The following SGCD variants were observed in gnomAD, a reference collection of about 807,000 sequenced individuals.
SGCD encodes sarcoglycan delta.
In SGCD, 18 loss-of-function variants were observed where a neutral mutation model predicts 36.6. The observed-to-expected ratio is 0.49, with a 90% CI of 0.34 to 0.73. The LOEUF (loss-of-function observed/expected upper bound fraction) is 0.73. Ranked by LOEUF, SGCD falls within the 30% of genes least tolerant of loss-of-function variation. The pLI is 0.01. For missense variants in SGCD, 387 were observed against 346.7 expected, an observed-to-expected ratio of 1.12 and a Z score of -0.92; for synonymous variants, 133 against 130.6, an observed-to-expected ratio of 1.02 and a Z score of -0.12.
At chr5:155,965,119 G>T (rs1757878501) in intron 1 of SGCD, among the ~76,000 whole-genome samples, 2 of 152,080 alleles carry the variant, frequency 1.3e-5, no homozygotes, top group South Asian at 4.1e-4. Context: ...ACATCTATTA[G>T]GTGCATCTCT....
chr5:156,197,595 G>A (rs1764052267), intron 3 of SGCD, among the ~76,000 whole-genome samples: 1 of 150,570 alleles, frequency 6.6e-6, no homozygotes, highest in African/African-American at 2.4e-5. Flanking sequence ...TAACAGCCAA[G>A]CAAGAGGATG....
intron 3 of SGCD, among the ~76,000 whole-genome samples, chr5:156,268,959 G>A (rs984409929): frequency 6.6e-6 from 1 of 152,022 alleles, no homozygotes; most frequent in African/African-American, 2.4e-5. Context: ...TTGGCTGCAT[G>A]TATGTCTTCT....
the SGCD span, among the ~76,000 whole-genome samples, chr5:155,860,033 C>T: frequency 6.6e-6 from 1 of 152,224 alleles, no homozygotes; most frequent in African/African-American, 2.4e-5. Context: ...AGCCCCTCTC[C>T]TGCTGTAAAT....
intron 1 of SGCD, among the ~76,000 whole-genome samples, chr5:156,006,967 T>C (rs373996580): frequency 6.6e-6 from 1 of 152,308 alleles, no homozygotes; most frequent in African/African-American, 2.4e-5. Flanking sequence ...CTGTTTCTGC[T>C]CAATTTTTAT....
chr5:156,740,550 C>T (rs771065277), intron 7 of SGCD, among the ~76,000 whole-genome samples: 2 of 152,176 alleles, frequency 1.3e-5, no homozygotes, highest in Non-Finnish European at 2.9e-5. Flanking sequence ...ATAATGGGCC[C>T]ACACAGTGGG....
At chr5:156,573,379 C>T (rs1459000657) in intron 4 of SGCD, among the ~76,000 whole-genome samples, 1 of 152,204 alleles carries the variant, frequency 6.6e-6, no homozygotes, top group Admixed American at 6.5e-5. Context: ...TTTGAATACC[C>T]TCATTTTTGC....
At chr5:156,051,700 AC>A (rs1759920081) in intron 1 of SGCD, among the ~76,000 whole-genome samples, 2 of 146,088 alleles carry the variant, frequency 1.4e-5, no homozygotes, top group Admixed American at 6.8e-5. Flanking sequence ...AACTAAACAA[AC>A]AAATATATAA....
At chr5:156,216,199 A>G (rs922365209) in intron 3 of SGCD, among the ~76,000 whole-genome samples, 2 of 152,210 alleles carry the variant, frequency 1.3e-5, no homozygotes, top group South Asian at 4.1e-4. Flanking sequence ...ATGTTGGTAA[A>G]CTGATAAAAA....
At chr5:156,550,981 A>G (rs1254993514) in intron 4 of SGCD, among the ~76,000 whole-genome samples, 1 of 152,068 alleles carries the variant, frequency 6.6e-6, no homozygotes, top group Non-Finnish European at 1.5e-5. Flanking sequence ...ATGTTTCTTT[A>G]CCACTTGGCT....
At chr5:156,254,407 T>G (rs1357758753) in intron 3 of SGCD, among the ~76,000 whole-genome samples, 1 of 152,228 alleles carries the variant, frequency 6.6e-6, no homozygotes, top group Non-Finnish European at 1.5e-5. Context: ...TCTAGTCGTT[T>G]TTAAAGCATG....
intron 1 of SGCD, among the ~76,000 whole-genome samples, chr5:155,920,643 A>G (rs1756857000): frequency 6.6e-6 from 1 of 152,200 alleles, no homozygotes; most frequent in Non-Finnish European, 1.5e-5. Flanking sequence ...TCAGAGTCCG[A>G]AATTTGAGGC....
intron 3 of SGCD, among the ~76,000 whole-genome samples, chr5:156,428,002 T>C (rs1773750501): frequency 6.6e-6 from 1 of 152,124 alleles, no homozygotes; most frequent in Non-Finnish European, 1.5e-5. Flanking sequence ...GTTTTCTTTT[T>C]GGTTATGTCC....
chr5:156,074,376 C>G (rs1760701063), intron 1 of SGCD, among the ~76,000 whole-genome samples: 1 of 151,720 alleles, frequency 6.6e-6, no homozygotes, highest in African/African-American at 2.4e-5. Context: ...ACTGAAAGAT[C>G]AAAATCTCAA....
chr5:156,628,603 T>C (rs1439664844), intron 6 of SGCD, among the ~76,000 whole-genome samples: 1 of 152,216 alleles, frequency 6.6e-6, no homozygotes, highest in African/African-American at 2.4e-5. Flanking sequence ...ATCCTTGACA[T>C]CTTTGACAAG....
intron 3 of SGCD, among the ~76,000 whole-genome samples, chr5:156,462,223 CTG>C (rs202243697): frequency 0.019 from 2,947 of 152,238 alleles, 33 homozygotes; most frequent in Non-Finnish European, 0.032. Flanking sequence ...TAAAAGCTAA[CTG>C]TGAAATGTTA....
At chr5:156,210,758 T>C (rs571804498) in intron 3 of SGCD, among the ~76,000 whole-genome samples, 20 of 151,798 alleles carry the variant, frequency 1.3e-4, no homozygotes, top group African/African-American at 4.3e-4. Context: ...TTTGAAAATA[T>C]ACAGTAAGGT....
chr5:155,944,642 T>A (rs1757400609), intron 1 of SGCD, among the ~76,000 whole-genome samples: 1 of 152,176 alleles, frequency 6.6e-6, no homozygotes, highest in African/African-American at 2.4e-5. Flanking sequence ...GAAGACATAC[T>A]GTGTTAAGTG....
At chr5:156,234,050 C>T (rs1358930636) in intron 3 of SGCD, among the ~76,000 whole-genome samples, 1 of 152,188 alleles carries the variant, frequency 6.6e-6, no homozygotes, top group Non-Finnish European at 1.5e-5. Flanking sequence ...TCCTTGTCAG[C>T]ATTTGGTGTT....
chr5:155,987,920 T>C (rs1380070193), intron 1 of SGCD, among the ~76,000 whole-genome samples: 1 of 152,160 alleles, frequency 6.6e-6, no homozygotes, highest in East Asian at 1.9e-4. Flanking sequence ...ATAGTAATAA[T>C]GACAATTTCT....
Sources: gnomAD v4.1 joint callset for allele counts (sites outside exome capture counted in the v4.1 genomes callset) on GRCh38, gnomAD v4.1.1 for gene constraint, MANE v1.5 for transcripts, NCBI Gene and HGNC (gene_info 2026-07-23, HGNC 2026-07-21) for gene names.